PLB1: variants seen among roughly 807,000 people sequenced by gnomAD.
PLB1 encodes the protein phospholipase B1.
In PLB1, 242 loss-of-function variants were observed where a neutral mutation model predicts 227.4. The observed-to-expected ratio is 1.06, with a 90% CI of 0.96 to 1.18. The LOEUF (loss-of-function observed/expected upper bound fraction) is 1.18, where lower values mean the gene tolerates loss of function less well. PLB1 is among the 50% of genes most tolerant of loss of function. The probability of loss-of-function intolerance (pLI) is 0.00; values close to 1 mark genes in which losing one functional copy is unlikely to be tolerated. For synonymous variants in PLB1, 757 were observed against 682.2 expected, an observed-to-expected ratio of 1.11 and a Z score of -1.71; for missense variants, 1,858 against 1,816.3, an observed-to-expected ratio of 1.02 and a Z score of -0.42.
chr2:28,606,045 G>A (rs2148306441), intron 42 of PLB1, 97 bp downstream of exon 42: 3 of 936,546 alleles, frequency 3.2e-6, no homozygotes, highest in Middle Eastern at 2.4e-4. Flanking sequence ...GGCTGAGGGG[G>A]CAGTGGCTGG....
At chr2:28,638,382 G>C (rs76619737) in intron 56 of PLB1, among the ~76,000 whole-genome samples, 1 of 152,116 alleles carries the variant, frequency 6.6e-6, no homozygotes, top group African/African-American at 2.4e-5. Flanking sequence ...AATGTGACCA[G>C]AGGGAAGTGA....
intron 51 of PLB1, 81 bp downstream of exon 51, chr2:28,626,589 C>G: frequency 8.0e-7 from 1 of 1,246,598 alleles, no homozygotes; most frequent in South Asian, 1.2e-5. Context: ...CCATCCCTGG[C>G]CCTGCCCCGA....
intron 43 of PLB1, among the ~76,000 whole-genome samples, chr2:28,608,712 T>C (rs913476158): frequency 1.3e-5 from 2 of 152,172 alleles, no homozygotes; most frequent in Admixed American, 1.3e-4. Context: ...TTAGGTTTCA[T>C]TCTTTTTGAC....
intron 1 of PLB1, among the ~76,000 whole-genome samples, chr2:28,510,778 T>TTGTGTGTGTGTG (rs55672002): frequency 0.025 from 3,545 of 141,534 alleles, 155 homozygotes; most frequent in African/African-American, 0.084. Flanking sequence ...ACTCAGATAA[T>TTGTGTGTGTGTG]TGTGTGTGTG....
Position 28,639,066 on chromosome 2 carries a change from T to TA in PLB1, c.4099-1846dup, listed in dbSNP as rs35534591. ...CTGGGTGACAGGGCAAGATTCCATC[T>TA]AAAAAAAAAAAAAAAGCCACTACAG... On this transcript the variant is annotated intron_variant, in intron 56 of 57. Coordinates refer to ENST00000327757, the MANE Select transcript of PLB1 (RefSeq NM_153021.5). 5.0e-3 allele frequency among the ~76,000 whole-genome samples: 656 copies of TA among 130,480 alleles called. 3 individuals are homozygous for TA. Among genetic ancestry groups the TA allele is most frequent in the South Asian group, 0.022 (90 of 4,090 alleles). The allele number at this position is 130,480 out of a possible 152,430, so 85.6% of individuals were successfully genotyped here.
chr2:28,496,077 G>C lies in PLB1; in HGVS notation c.-38G>C. On this transcript the variant is annotated 5_prime_UTR_variant, in exon 1 of 58. Coordinates refer to ENST00000327757, the MANE Select transcript of PLB1 (RefSeq NM_153021.5). ...GATAGCCCATCCATCTGCTGGAGCA[G>C]CTCTTCCAGAGGCCCGAGTCACCTG... The C allele has an allele frequency of 1.2e-6, 2 of 1,603,052 alleles. No homozygotes were observed. The highest frequency in any genetic ancestry group is 1.7e-4 in the Middle Eastern group (1 of 6,042).
Position 28,640,930 on chromosome 2 carries a change from G to C in PLB1, c.4102G>C (p.Glu1368Gln). The C allele has an allele frequency of 6.2e-7, 1 of 1,613,502 alleles. No individual in the cohort carries two copies. The highest frequency in any genetic ancestry group is 1.1e-5 in the South Asian group (1 of 90,970). The change falls in exon 57 of 58, where the codon GAA becomes CAA. Residue 1368 changes from glutamate to glutamine, a missense_variant. By Grantham distance (29) the Glu-to-Gln change is conservative. Transcript: ENST00000327757. ...MAIALWNNML[E>Q]PVGRKTTSNN... ...GGTGTCCTTTCTCTCTCTCCAGCTG[G>C]AACCAGTGGGCCGCAAGACTACCTC...
intron 14 of PLB1, among the ~76,000 whole-genome samples, chr2:28,544,270 GA>G (rs1430827432): frequency 6.6e-6 from 1 of 152,202 alleles, no homozygotes; most frequent in Admixed American, 6.5e-5. Flanking sequence ...CACTTGCGGG[GA>G]CTATGTCCCC....
At chr2:28,540,932 A>G (rs925502661) in intron 12 of PLB1, among the ~76,000 whole-genome samples, 2 of 152,174 alleles carry the variant, frequency 1.3e-5, no homozygotes, top group Non-Finnish European at 2.9e-5. Context: ...GTATTTTGGG[A>G]GGCTGAGGTG....
chr2:28,607,580 G>C (rs760962046), intron 43 of PLB1, among the ~76,000 whole-genome samples: 5 of 152,126 alleles, frequency 3.3e-5, no homozygotes, highest in Non-Finnish European at 7.3e-5. Flanking sequence ...GAGCTAAGGA[G>C]ATTGTCAGAT....
intron 20 of PLB1, among the ~76,000 whole-genome samples, chr2:28,570,507 C>T (rs905397105): frequency 4.8e-5 from 5 of 103,282 alleles, no homozygotes; most frequent in East Asian, 2.0e-4. Context: ...CAACAAAGGC[C>T]GGGCGCAGTG....
intron 8 of PLB1, among the ~76,000 whole-genome samples, chr2:28,531,211 T>C (rs1670963018): frequency 6.6e-6 from 1 of 152,252 alleles, no homozygotes; most frequent in Non-Finnish European, 1.5e-5. Flanking sequence ...TAACTTGGTG[T>C]ACATTACCTT....
intron 33 of PLB1, among the ~76,000 whole-genome samples, chr2:28,597,498 A>G (rs1683156565): frequency 6.6e-6 from 1 of 152,168 alleles, no homozygotes; most frequent in South Asian, 2.1e-4. Context: ...TGGGGCATTG[A>G]AAGGTAGTGA....
rs534389130 is a variant in PLB1, at chr2:28,568,670, CAT to C, written c.1324+1832_1324+1833del. 2.2e-4 allele frequency among the ~76,000 whole-genome samples: 33 copies of C among 152,304 alleles called. No homozygotes were observed. The East Asian group carries it at 6.0e-3, about 28-fold the overall frequency. ...GACATCACCAAAGTGTCTTTGGCAG[CAT>C]GTCTTCCTAAAGACAGACACATGAC... On this transcript the variant is annotated intron_variant, in intron 20 of 57. Coordinates refer to ENST00000327757, the MANE Select transcript of PLB1 (RefSeq NM_153021.5).
At chr2:28,511,802 T>TTTTTTTTTTA (rs1668293619) in intron 1 of PLB1, among the ~76,000 whole-genome samples, 1 of 151,142 alleles carries the variant, frequency 6.6e-6, no homozygotes, top group African/African-American at 2.4e-5. Context: ...TTTTTTTTTT[T>TTTTTTTTTTA]GAGATGGAGT....
Position 28,591,294 on chromosome 2 carries a change from C to T in PLB1, c.2127+123C>T, listed in dbSNP as rs11900342. ...GAGTTCTAGATGGGCATAAAGGCCA[C>T]CCACCTGACCTTCAGATGGGGTAGT... On this transcript the variant is annotated intron_variant, in intron 30 of 57. Transcript: ENST00000327757. The T allele has an allele frequency of 1.8e-3, 2,197 of 1,191,422 alleles. 31 individuals are homozygous for T. The African/African-American group carries it at 0.029, about 16-fold the overall frequency. The allele number at this position is 1,191,422 out of a possible 1,614,324, so 73.8% of individuals were successfully genotyped here. A position where few individuals can be genotyped will look rare whatever the true frequency, so the allele number is the denominator to read the frequency against.
At position 28,631,888 on chromosome 2, in the gene PLB1, T is replaced by C. The variant is rs1688678860; in HGVS notation, c.3898-148T>C. On this transcript the variant is annotated intron_variant, in intron 54 of 57. Coordinates refer to ENST00000327757, the MANE Select transcript of PLB1 (RefSeq NM_153021.5). ...CATGAATGGGTGGAGAATAAAAGTA[T>C]GTTTGCATCCCACTAGAGTAGCCCC... 4 of 632,516 alleles carry C rather than the reference T, an allele frequency of 6.3e-6. No individual in the cohort carries two copies. The South Asian group carries it at 7.6e-5, about 12-fold the overall frequency. The allele number at this position is 632,516 out of a possible 1,614,324, so 39.2% of individuals were successfully genotyped here. A position where few individuals can be genotyped will look rare whatever the true frequency, so the allele number is the denominator to read the frequency against.
At chr2:28,593,983 C>A in intron 33 of PLB1, 1 of 742,554 alleles carries the variant, frequency 1.3e-6, no homozygotes, top group Non-Finnish European at 2.5e-6. Context: ...GAAAGTAAAC[C>A]AGGGTTCTTA....
intron 23 of PLB1, among the ~76,000 whole-genome samples, chr2:28,581,524 A>G (rs1680000592): frequency 6.9e-6 from 1 of 145,420 alleles, no homozygotes; most frequent in African/African-American, 2.6e-5. Context: ...TAAATAAATA[A>G]ATAAATAAAT....
Sources: allele counts gnomAD v4.1 joint callset (sites outside exome capture counted in the v4.1 genomes callset), GRCh38; gene constraint gnomAD v4.1.1; transcripts MANE v1.5; gene names NCBI Gene and HGNC (gene_info 2026-07-23, HGNC 2026-07-21).